The following DPYD variants were observed in gnomAD, a reference collection of about 807,000 sequenced individuals.
The protein encoded by DPYD is dihydropyrimidine dehydrogenase [NADP(+)].
DPYD carries 109 observed loss-of-function variants against 116.2 expected under a neutral mutation model. The observed-to-expected ratio is 0.94, with a 90% CI of 0.80 to 1.10. The LOEUF is 1.10. DPYD is among the 50% of genes least tolerant of loss of function. DPYD has a pLI of 0.00. For missense variants in DPYD, 1,302 were observed against 1,254.5 expected (o/e 1.04, Z -0.57); for synonymous variants, 440 against 432.0 (o/e 1.02, Z -0.23).
At chr1:97,704,749 C>T (rs973571799) in intron 5 of DPYD, among the ~76,000 whole-genome samples, 1 of 151,514 alleles carries the variant, frequency 6.6e-6, no homozygotes, top group Non-Finnish European at 1.5e-5. Flanking sequence ...TGAGAAAGAC[C>T]CCTCTTTTTT....
At chr1:97,615,440 G>A (rs1281891678) in intron 8 of DPYD, among the ~76,000 whole-genome samples, 1 of 151,754 alleles carries the variant, frequency 6.6e-6, no homozygotes. Context: ...CAAAATAATT[G>A]GTAAGTACAA....
chr1:97,214,639 C>G (rs1660253428), intron 19 of DPYD, among the ~76,000 whole-genome samples: 1 of 152,208 alleles, frequency 6.6e-6, no homozygotes, highest in Non-Finnish European at 1.5e-5. Flanking sequence ...GAAGGATGAA[C>G]TTCAACCAAT....
intron 14 of DPYD, among the ~76,000 whole-genome samples, chr1:97,443,083 T>C (rs888123564): frequency 5.9e-5 from 9 of 152,166 alleles, no homozygotes; most frequent in African/African-American, 2.2e-4. Context: ...AGAGGAGATG[T>C]TGAGATTCAA....
intron 16 of DPYD, among the ~76,000 whole-genome samples, chr1:97,333,517 A>ATTTTTTT (rs778577478): frequency 1.0e-5 from 1 of 97,068 alleles, no homozygotes; most frequent in African/African-American, 4.2e-5. Context: ...AAGTCTTAGG[A>ATTTTTTT]TTTTTTTTTT....
intron 13 of DPYD, among the ~76,000 whole-genome samples, chr1:97,465,555 C>A (rs978865028): frequency 6.6e-6 from 1 of 152,146 alleles, no homozygotes; most frequent in Non-Finnish European, 1.5e-5. Flanking sequence ...GAATAAATCT[C>A]ATGAGATCTG....
intron 20 of DPYD, among the ~76,000 whole-genome samples, chr1:97,129,790 T>C (rs141607294): frequency 2.1e-3 from 327 of 152,312 alleles, no homozygotes; most frequent in African/African-American, 7.5e-3. Flanking sequence ...CTGCTTTTTA[T>C]TATACTTTGC....
At position 97,869,934 on chromosome 1, in the gene DPYD, A is replaced by C. The variant is rs552842855; in HGVS notation, c.150+13330T>G. 4.6e-4 allele frequency among the ~76,000 whole-genome samples: 70 copies of C among 151,940 alleles called. 2 individuals are homozygous for C. Among genetic ancestry groups the C allele is most frequent in the Admixed American group, 3.9e-3 (60 of 15,214 alleles). ...CAATGTGTATGCATGTTTTCCTGTC[A>C]ATCTGTCTTCTGTCAGATTAATTCA... On this transcript the variant is annotated intron_variant, in intron 2 of 22. Coordinates refer to ENST00000370192, the MANE Select transcript of DPYD (RefSeq NM_000110.4).
At chr1:97,831,831 A>C (rs1669550437) in intron 2 of DPYD, among the ~76,000 whole-genome samples, 2 of 151,966 alleles carry the variant, frequency 1.3e-5, no homozygotes, top group South Asian at 2.1e-4. Flanking sequence ...CTGGAACAAA[A>C]CGCAGGCCTG....
chr1:97,233,739 CTG>C (rs1281115926), intron 19 of DPYD, among the ~76,000 whole-genome samples: 1 of 152,116 alleles, frequency 6.6e-6, no homozygotes, highest in Non-Finnish European at 1.5e-5. Flanking sequence ...AAACTCACCA[CTG>C]TGTTGTTTCT....
Position 97,382,456 on chromosome 1 carries a change from C to T in DPYD, c.1911G>A (p.Val637=). 1 of 1,583,248 alleles carries T rather than the reference C, an allele frequency of 6.3e-7. No individual in the cohort carries two copies. Among genetic ancestry groups the T allele is most frequent in the South Asian group, 1.2e-5 (1 of 83,120 alleles). The part of the protein sequence containing the change: ...ELKADFPDNI[V]IASIMCSYNK... ...TGTAACTGCACATAATGCTAGCAAT[C>T]ACAATCTTTAAAAAGAAAAACAAAA... Residue 637 remains valine, a synonymous_variant, in exon 15 of 23, where the codon GTG becomes GTA. Coordinates refer to ENST00000370192, the MANE Select transcript of DPYD (RefSeq NM_000110.4).
intron 16 of DPYD, among the ~76,000 whole-genome samples, chr1:97,325,225 A>T (rs1401419109): frequency 6.6e-6 from 1 of 152,048 alleles, no homozygotes; most frequent in East Asian, 1.9e-4. Context: ...ACTATGGTGA[A>T]CTTTGCTGGT....
intron 16 of DPYD, among the ~76,000 whole-genome samples, chr1:97,342,995 G>GA (rs375033847): frequency 7.3e-4 from 108 of 148,492 alleles, no homozygotes; most frequent in African/African-American, 2.0e-3. Context: ...TTCAGGAGAG[G>GA]AAAAAAAAAC....
rs1383370770 is a variant in DPYD, at chr1:97,206,164, T to A, written c.2443-12916A>T. On this transcript the variant is annotated intron_variant, in intron 19 of 22. Transcript: ENST00000370192. Reference sequence around the variant, plus strand: ...ACACTCCTCCAAGGGTCTTTCAGCCTAAAAAAAAAACTCAAAGGGGACAGG... The same window carrying A: ...ACACTCCTCCAAGGGTCTTTCAGCCAAAAAAAAAAACTCAAAGGGGACAGG... 2.0e-5 allele frequency among the ~76,000 whole-genome samples: 3 copies of A among 146,718 alleles called. No homozygotes were observed. In the East Asian group the frequency reaches 6.0e-4, roughly 29 times the overall value.
intron 20 of DPYD, among the ~76,000 whole-genome samples, chr1:97,173,257 C>T (rs5027688): frequency 1.8e-4 from 22 of 125,522 alleles, no homozygotes; most frequent in East Asian, 8.8e-4. Flanking sequence ...TACATATATG[C>T]ACACATATGT....
At chr1:97,636,412 T>C (rs1235461617) in intron 8 of DPYD, among the ~76,000 whole-genome samples, 1 of 152,052 alleles carries the variant, frequency 6.6e-6, no homozygotes, top group African/African-American at 2.4e-5. Context: ...TACAGCTGTG[T>C]TACCCTGGGC....
At chr1:97,554,518 C>G (rs1444631169) in intron 11 of DPYD, among the ~76,000 whole-genome samples, 1 of 151,942 alleles carries the variant, frequency 6.6e-6, no homozygotes, top group African/African-American at 2.4e-5. Flanking sequence ...TTTACATAAC[C>G]TATCACCCAC....
At chr1:97,138,264 T>C (rs1165032232) in intron 20 of DPYD, among the ~76,000 whole-genome samples, 1 of 152,098 alleles carries the variant, frequency 6.6e-6, no homozygotes, top group Non-Finnish European at 1.5e-5. Context: ...AACTTGTTTG[T>C]TGTTGCTGAT....
chr1:97,629,372 T>A (rs1346781069), intron 8 of DPYD, among the ~76,000 whole-genome samples: 4 of 152,132 alleles, frequency 2.6e-5, no homozygotes, highest in Non-Finnish European at 4.4e-5. Context: ...TAAAAAGTCA[T>A]GCTAAAAATT....
chr1:97,353,535 G>A (rs554019844), intron 16 of DPYD, among the ~76,000 whole-genome samples: 2 of 151,776 alleles, frequency 1.3e-5, no homozygotes, highest in Admixed American at 6.6e-5. Flanking sequence ...TAAGGCAGGG[G>A]TCATGTCAAA....
Sources: gnomAD v4.1 joint callset for allele counts (sites outside exome capture counted in the v4.1 genomes callset) on GRCh38, gnomAD v4.1.1 for gene constraint, MANE v1.5 for transcripts, NCBI Gene and HGNC (gene_info 2026-07-23, HGNC 2026-07-21) for gene names.